Variants in TMC1 observed in about 807,000 individuals in gnomAD.
The protein encoded by TMC1 is transmembrane channel like 1.
Under a neutral mutation model 105.8 loss-of-function variants are expected in TMC1, and 84 were observed. That is an observed-to-expected ratio of 0.79 (90% CI 0.67 to 0.95). The LOEUF (loss-of-function observed/expected upper bound fraction) is 0.95, where lower values mean the gene tolerates loss of function less well. TMC1 is among the 40% of genes least tolerant of loss of function. TMC1 has a pLI of 0.00. For synonymous variants in TMC1, 315 were observed against 311.5 expected, an observed-to-expected ratio of 1.01 and a Z score of -0.12; for missense variants, 817 against 914.1, an observed-to-expected ratio of 0.89 and a Z score of 1.37.
At chr9:72,762,670 C>T (rs531927821) in intron 12 of TMC1, among the ~76,000 whole-genome samples, 1 of 152,268 alleles carries the variant, frequency 6.6e-6, no homozygotes, top group African/African-American at 2.4e-5. Context: ...GTCTCTTTCC[C>T]TAGTAGCAGA....
At chr9:72,775,359 T>C (rs1480549483) in intron 13 of TMC1, among the ~76,000 whole-genome samples, 5 of 152,046 alleles carry the variant, frequency 3.3e-5, no homozygotes, top group African/African-American at 1.2e-4. Flanking sequence ...TAAAAGCAAA[T>C]TAAAACAGTA....
chr9:72,731,702 G>C (rs897400356), intron 8 of TMC1, among the ~76,000 whole-genome samples: 1 of 152,160 alleles, frequency 6.6e-6, no homozygotes, highest in Admixed American at 6.5e-5. Flanking sequence ...GGGCATGCCA[G>C]ATCCTCCTCT....
chr9:72,559,544 C>T (rs980379553), intron 1 of TMC1, among the ~76,000 whole-genome samples: 3 of 152,122 alleles, frequency 2.0e-5, no homozygotes, highest in Admixed American at 6.6e-5. Context: ...CTACAGCACT[C>T]AGTGTTTCTC....
chr9:72,614,113 G>A (rs1301177242), intron 2 of TMC1, among the ~76,000 whole-genome samples: 1 of 152,166 alleles, frequency 6.6e-6, no homozygotes, highest in Non-Finnish European at 1.5e-5. Context: ...GAACTGAACT[G>A]ATATTTCCTT....
chr9:72,556,822 G>GAAACAAAC (rs138969596), intron 1 of TMC1, among the ~76,000 whole-genome samples: 6 of 151,296 alleles, frequency 4.0e-5, no homozygotes, highest in Admixed American at 1.3e-4. Flanking sequence ...CTCTGTCTTG[G>GAAACAAAC]AAACAAACAA....
At chr9:72,815,311 C>G (rs1005598642) in intron 18 of TMC1, among the ~76,000 whole-genome samples, 2 of 152,078 alleles carry the variant, frequency 1.3e-5, no homozygotes, top group Non-Finnish European at 2.9e-5. Context: ...CAAAAAACAG[C>G]CTAGTGTTGC....
At chr9:72,788,231 T>A in intron 13 of TMC1, 108 bp from the exon 14 acceptor site, 1 of 1,168,282 alleles carries the variant, frequency 8.6e-7, no homozygotes, top group South Asian at 1.3e-5. Flanking sequence ...ATAAAATATA[T>A]GTCTTTTTGC....
At chr9:72,600,706 AT>A (rs1824795310) in intron 2 of TMC1, among the ~76,000 whole-genome samples, 1 of 152,164 alleles carries the variant, frequency 6.6e-6, no homozygotes, top group Non-Finnish European at 1.5e-5. Flanking sequence ...AAAGAAAAAA[AT>A]TAAAATAAAA....
chr9:72,801,338 T>G (rs1218561175), intron 17 of TMC1, among the ~76,000 whole-genome samples: 2 of 152,210 alleles, frequency 1.3e-5, no homozygotes, highest in Non-Finnish European at 2.9e-5. Context: ...CCTCAAATTT[T>G]TACGTTTCAT....
chr9:72,676,713 A>G (rs1337884454), intron 5 of TMC1, among the ~76,000 whole-genome samples: 1 of 152,146 alleles, frequency 6.6e-6, no homozygotes, highest in African/African-American at 2.4e-5. Context: ...GAATGCAATC[A>G]TCTCAGGACC....
chr9:72,646,769 A>G (rs967220058), intron 4 of TMC1, among the ~76,000 whole-genome samples: 3 of 151,804 alleles, frequency 2.0e-5, no homozygotes, highest in African/African-American at 7.3e-5. Flanking sequence ...CAAATCTTTT[A>G]CCATTTTTTT....
At chr9:72,563,470 A>C (rs1824093060) in intron 1 of TMC1, among the ~76,000 whole-genome samples, 1 of 152,196 alleles carries the variant, frequency 6.6e-6, no homozygotes, top group Admixed American at 6.5e-5. Flanking sequence ...TGGATGCCAG[A>C]GGCATTTCTA....
intron 13 of TMC1, among the ~76,000 whole-genome samples, chr9:72,775,487 TA>T (rs1166393439): frequency 6.6e-6 from 1 of 152,212 alleles, no homozygotes; most frequent in Non-Finnish European, 1.5e-5. Context: ...CTGTTCCCGT[TA>T]AAAACAATTC....
chr9:72,684,429 C>G (rs1826341962), intron 5 of TMC1, among the ~76,000 whole-genome samples: 1 of 152,188 alleles, frequency 6.6e-6, no homozygotes, highest in African/African-American at 2.4e-5. Flanking sequence ...TCCACAATCT[C>G]TGACTTTCCT....
At chr9:72,593,023 T>A (rs1167131479) in intron 2 of TMC1, among the ~76,000 whole-genome samples, 1 of 152,148 alleles carries the variant, frequency 6.6e-6, no homozygotes, top group African/African-American at 2.4e-5. Context: ...AAAGAATCAT[T>A]TTTTTTAAGG....
At chr9:72,718,617 A>G (rs1409833754) in intron 8 of TMC1, among the ~76,000 whole-genome samples, 1 of 152,194 alleles carries the variant, frequency 6.6e-6, no homozygotes, top group Non-Finnish European at 1.5e-5. Flanking sequence ...GCAGAGGAGT[A>G]AAACAGACTC....
At chr9:72,799,081 C>T (rs1175006353) in intron 17 of TMC1, among the ~76,000 whole-genome samples, 1 of 151,812 alleles carries the variant, frequency 6.6e-6, no homozygotes, top group Non-Finnish European at 1.5e-5. Flanking sequence ...AAACAAAACC[C>T]AAGAAAAATC....
intron 8 of TMC1, among the ~76,000 whole-genome samples, chr9:72,701,992 T>G (rs1027540793): frequency 2.6e-5 from 4 of 152,304 alleles, no homozygotes; most frequent in African/African-American, 9.6e-5. Context: ...ATTTTGTGTA[T>G]GCATGCTCAT....
At chr9:72,689,536 G>T (rs181662915) in intron 6 of TMC1, among the ~76,000 whole-genome samples, 6 of 79,402 alleles carry the variant, frequency 7.6e-5, no homozygotes, top group African/African-American at 4.8e-4. Context: ...GGAATGTAAT[G>T]TAGGGTATTG....
Sources: gnomAD v4.1 joint callset for allele counts (sites outside exome capture counted in the v4.1 genomes callset) on GRCh38, gnomAD v4.1.1 for gene constraint, MANE v1.5 for transcripts, NCBI Gene and HGNC (gene_info 2026-07-23, HGNC 2026-07-21) for gene names.